SEL1L2: variants seen among roughly 807,000 people sequenced by gnomAD.
The protein encoded by SEL1L2 is protein sel-1 homolog 2.
SEL1L2 carries 89 observed loss-of-function variants against 98.8 expected under a neutral mutation model. That is an observed-to-expected ratio of 0.90 (90% CI 0.76 to 1.07). The LOEUF (loss-of-function observed/expected upper bound fraction) is 1.07, where lower values mean the gene tolerates loss of function less well. Among genes scored for constraint, SEL1L2 ranks in the 50% least tolerant of loss-of-function variants. The probability of loss-of-function intolerance (pLI) is 0.00; values close to 1 mark genes in which losing one functional copy is unlikely to be tolerated. For missense variants in SEL1L2, 788 were observed against 812.0 expected, an observed-to-expected ratio of 0.97 and a Z score of 0.36; for synonymous variants, 262 against 278.5, an observed-to-expected ratio of 0.94 and a Z score of 0.59.
At chr20:13,978,583 C>T (rs953216861) in intron 1 of SEL1L2, among the ~76,000 whole-genome samples, 2 of 152,146 alleles carry the variant, frequency 1.3e-5, no homozygotes, top group African/African-American at 4.8e-5. Context: ...AAAAGGAAAT[C>T]AGTATACTGA....
At chr20:13,949,713 G>A (rs6079233) in intron 2 of SEL1L2, among the ~76,000 whole-genome samples, 145,573 of 151,132 alleles carry the variant, frequency 0.96, 70,212 homozygotes, top group South Asian at 1. Context: ...AAACAAAAAA[G>A]AACAAGTGCT....
rs769205918 is a variant in SEL1L2 at position 13,865,417 on chromosome 20, T to G, written c.1502A>C (p.Gln501Pro). The change falls in exon 16 of 20, where the codon CAG becomes CCG. Residue 501 changes from glutamine to proline, a missense_variant. By Grantham distance (76) the Gln-to-Pro change is moderately conservative. Coordinates refer to ENST00000284951, the MANE Select transcript of SEL1L2 (RefSeq NM_025229.2). ...CCCCATTTCTGCAAGCAGTGCATACTGAACAAGAGAAGAATCTATATCACC... is the reference window on the plus strand; with the variant it reads ...CCCCATTTCTGCAAGCAGTGCATACGGAACAAGAGAAGAATCTATATCACC... ...KDGDIDSSLV[Q>P]YALLAEMGYE... The G allele has an allele frequency of 6.2e-7, 1 of 1,614,140 alleles. No individual in the cohort carries two copies. The highest frequency in any genetic ancestry group is 2.2e-5 in the East Asian group (1 of 44,880).
At chr20:13,916,430 A>T (rs769431915) in intron 4 of SEL1L2, among the ~76,000 whole-genome samples, 15 of 152,286 alleles carry the variant, frequency 9.8e-5, no homozygotes, top group Middle Eastern at 3.4e-3. Flanking sequence ...TAACACAAGA[A>T]CTTCACCCAG....
At chr20:13,967,700 G>T (rs2051112930) in intron 1 of SEL1L2, among the ~76,000 whole-genome samples, 1 of 152,204 alleles carries the variant, frequency 6.6e-6, no homozygotes, top group Admixed American at 6.5e-5. Flanking sequence ...CCATTCTGAA[G>T]GACACAGCTT....
chr20:13,970,558 T>C (rs927279611), intron 1 of SEL1L2, among the ~76,000 whole-genome samples: 2 of 152,184 alleles, frequency 1.3e-5, no homozygotes, highest in Non-Finnish European at 2.9e-5. Flanking sequence ...CATGGCCGGA[T>C]GCAGTGGCTC....
intron 18 of SEL1L2, 47 bp downstream of exon 18, chr20:13,859,215 T>G: frequency 6.5e-7 from 1 of 1,532,498 alleles, no homozygotes; most frequent in Non-Finnish European, 9.0e-7. Context: ...TTCTGTCTTC[T>G]CACACAGCTG....
intron 1 of SEL1L2, among the ~76,000 whole-genome samples, chr20:13,984,662 C>T (rs1412843653): frequency 6.6e-6 from 1 of 152,072 alleles, no homozygotes; most frequent in African/African-American, 2.4e-5. Flanking sequence ...CTTTCTTTCT[C>T]TCTCTCTTCC....
chr20:13,884,708 C>T (rs182998900), intron 10 of SEL1L2, among the ~76,000 whole-genome samples: 2 of 151,848 alleles, frequency 1.3e-5, no homozygotes, highest in Admixed American at 6.6e-5. Context: ...GGGGTTTCAC[C>T]GTGTTCGCCA....
At chr20:13,953,472 T>C (rs1441538828) in intron 2 of SEL1L2, among the ~76,000 whole-genome samples, 1 of 152,130 alleles carries the variant, frequency 6.6e-6, no homozygotes, top group Non-Finnish European at 1.5e-5. Flanking sequence ...TCCTTATCCT[T>C]ATCCTTATTT....
intron 11 of SEL1L2, among the ~76,000 whole-genome samples, chr20:13,877,062 C>T (rs1273567516): frequency 6.6e-6 from 1 of 151,978 alleles, no homozygotes; most frequent in African/African-American, 2.4e-5. Flanking sequence ...TGACCTCAAA[C>T]AATCCACCTG....
intron 3 of SEL1L2, among the ~76,000 whole-genome samples, chr20:13,925,175 T>TTG (rs1237715475): frequency 6.6e-6 from 1 of 152,176 alleles, no homozygotes; most frequent in African/African-American, 2.4e-5. Flanking sequence ...ATGCCTTTTA[T>TTG]TGTGTGTGTG....
chr20:13,913,648 G>T, intron 5 of SEL1L2, 134 bp downstream of exon 5: 1 of 735,824 alleles, frequency 1.4e-6, no homozygotes, highest in Non-Finnish European at 2.0e-6. Context: ...CACTGTTTCA[G>T]TGCATTATGG....
intron 9 of SEL1L2, among the ~76,000 whole-genome samples, chr20:13,885,658 C>A (rs1196779742): frequency 1.3e-5 from 2 of 152,142 alleles, no homozygotes; most frequent in African/African-American, 2.4e-5. Context: ...GGGGCCTTAG[C>A]TCTTGGCTCT....
chr20:13,952,924 G>A (rs192769133), intron 2 of SEL1L2, among the ~76,000 whole-genome samples: 4 of 152,260 alleles, frequency 2.6e-5, no homozygotes, highest in East Asian at 1.9e-4. Context: ...AACTACTCTG[G>A]AAGCTGAGGC....
chr20:13,956,249 G>A (rs2050537810), intron 1 of SEL1L2, 118 bp from the exon 2 acceptor site: 4 of 569,910 alleles, frequency 7.0e-6, no homozygotes, highest in Admixed American at 3.6e-5. Flanking sequence ...AAGAATAATT[G>A]TTGACAATAA....
intron 1 of SEL1L2, among the ~76,000 whole-genome samples, chr20:13,971,306 A>G (rs2051272985): frequency 1.3e-5 from 2 of 152,192 alleles, no homozygotes; most frequent in African/African-American, 4.8e-5. Context: ...TTCCTCACTT[A>G]TAACCTTTTT....
intron 5 of SEL1L2, among the ~76,000 whole-genome samples, chr20:13,912,380 C>T (rs752688621): frequency 1.1e-3 from 169 of 150,476 alleles, no homozygotes; most frequent in Non-Finnish European, 2.0e-3. Flanking sequence ...TCACTGCAAC[C>T]TTCGCCTCCC....
intron 3 of SEL1L2, among the ~76,000 whole-genome samples, chr20:13,931,132 C>G (rs1230226316): frequency 6.6e-6 from 1 of 151,610 alleles, no homozygotes; most frequent in African/African-American, 2.4e-5. Context: ...CAAGCTCTGC[C>G]TCCCAGGTTC....
Position 13,850,375 on chromosome 20 carries a change from C to T in SEL1L2, c.1819-56G>A, listed in dbSNP as rs1988041282. 3.2e-6 allele frequency: 5 copies of T among 1,567,630 alleles called. 1 individual carries two copies. Among genetic ancestry groups the T allele is most frequent in the African/African-American group, 2.7e-5 (2 of 73,886 alleles). ...GATTCTGTAGGGGTAAGTAAACAGA[C>T]ACCATTGTTCACAATATCAAATGTA... On this transcript the variant is annotated intron_variant, in intron 18 of 19. Transcript: ENST00000284951.
Sources: allele counts gnomAD v4.1 joint callset (sites outside exome capture counted in the v4.1 genomes callset), GRCh38; gene constraint gnomAD v4.1.1; transcripts MANE v1.5; gene names NCBI Gene and HGNC (gene_info 2026-07-23, HGNC 2026-07-21).